Variants in ROS1 observed in about 807,000 individuals in gnomAD.
ROS1 encodes proto-oncogene tyrosine-protein kinase ROS.
A neutral mutation model predicts 273.5 loss-of-function variants in ROS1; 263 were observed. The observed-to-expected ratio is 0.96, with a 90% CI of 0.87 to 1.06. The LOEUF is 1.06. Ranked by LOEUF, ROS1 falls within the 50% of genes least tolerant of loss-of-function variation. The pLI, the probability that ROS1 is intolerant of heterozygous loss-of-function variation, is 0.00. For synonymous variants in ROS1, 1,008 were observed against 954.1 expected, an observed-to-expected ratio of 1.06 and a Z score of -1.04; for missense variants, 2,833 against 2,751.1, an observed-to-expected ratio of 1.03 and a Z score of -0.67.
chr6:117,418,659 T>C (rs1775524455), intron 1 of ROS1, among the ~76,000 whole-genome samples, 153 bp from the exon 2 acceptor site: 2 of 152,304 alleles, frequency 1.3e-5, no homozygotes, highest in Non-Finnish European at 2.9e-5. Context: ...GGCATTAAAT[T>C]CATCACTACC....
chr6:117,289,322 T>G (rs1773658846), intron 43 of ROS1, among the ~76,000 whole-genome samples: 1 of 152,234 alleles, frequency 6.6e-6, no homozygotes, highest in Admixed American at 6.5e-5. Context: ...TCCAAGCCTG[T>G]GTTCTAGTTA....
rs894014003 is a variant in ROS1 at position 117,389,661 on chromosome 6, T to C, written c.1475A>G (p.Asp492Gly). Residue 492 changes from aspartate (D) to glycine (G), a missense_variant, in exon 13 of 44, where the codon GAT becomes GGT. Coordinates refer to ENST00000368507, the MANE Select transcript of ROS1 (RefSeq NM_001378902.1). The part of the protein sequence containing the change: ...TAQVFMSTFL[D>G]GSASHLILPR... ...TAGGATGAGATGGGAAGCAGAGCCA[T>C]CCAGAAATGTTGACATGAAGACTTG... 7 of 1,614,166 alleles carry C rather than the reference T, an allele frequency of 4.3e-6. No homozygotes were observed. The East Asian group carries it at 1.1e-4, about 26-fold the overall frequency.
At chr6:117,297,950 G>C (rs1774382341) in intron 43 of ROS1, among the ~76,000 whole-genome samples, 1 of 152,094 alleles carries the variant, frequency 6.6e-6, no homozygotes, top group South Asian at 2.1e-4. Context: ...ACTCATAATA[G>C]CAAAGGTATG....
intron 27 of ROS1, among the ~76,000 whole-genome samples, chr6:117,349,429 C>T (rs1778629212): frequency 6.6e-6 from 1 of 151,880 alleles, no homozygotes; most frequent in African/African-American, 2.4e-5. Context: ...ATCTCCATCC[C>T]TTTACTTTTG....
At position 117,425,687 on chromosome 6, in the gene ROS1, C is replaced by T. The variant is rs376700858; in HGVS notation, c.-31G>A. 28 of 1,606,812 alleles carry T rather than the reference C, an allele frequency of 1.7e-5. No individual in the cohort carries two copies. The African/African-American group carries it at 2.8e-4, about 16-fold the overall frequency. The stretch of plus-strand genomic sequence containing the variant: ...CACCAATGGCAGATTTTTAGATGGC[C>T]GGTCTAATTTTCTCCATTTTGCTAT... On this transcript the variant is annotated 5_prime_UTR_variant, in exon 1 of 44. Transcript: ENST00000368507.
chr6:117,384,758 G>A (rs1271052964), intron 16 of ROS1, among the ~76,000 whole-genome samples: 1 of 152,116 alleles, frequency 6.6e-6, no homozygotes, highest in Non-Finnish European at 1.5e-5. Flanking sequence ...GACTTTATCT[G>A]CTAGGCTGAA....
chr6:117,405,179 T>C (rs773213479), intron 5 of ROS1, among the ~76,000 whole-genome samples: 23 of 152,196 alleles, frequency 1.5e-4, no homozygotes, highest in Non-Finnish European at 3.1e-4. Flanking sequence ...GTAAATTTGG[T>C]AGGGAGCTTA....
At position 117,397,035 on chromosome 6, in the gene ROS1, A is replaced by G. The variant is rs2128716742; in HGVS notation, c.686T>C (p.Phe229Ser). 2 of 1,612,950 alleles carry G rather than the reference A, an allele frequency of 1.2e-6. No homozygotes were observed. Among genetic ancestry groups the G allele is most frequent in the South Asian group, 1.1e-5 (1 of 91,062 alleles). ...ATAACCCAAAATAGGTCCACCTGGGAATTGAGGTGGATCCCAGCTGACTTC... is the reference window on the plus strand; with the variant it reads ...ATAACCCAAAATAGGTCCACCTGGGGATTGAGGTGGATCCCAGCTGACTTC... ...TVEVSWDPPQFPGGPILGYNL... is the reference protein window; with the variant it reads ...TVEVSWDPPQSPGGPILGYNL... Residue 229 changes from phenylalanine (F) to serine (S), a missense_variant, in exon 8 of 44, where the codon TTC (phenylalanine) becomes TCC (serine). Physicochemically the swap from Phe to Ser is radical, Grantham distance 155. Transcript: ENST00000368507.
rs1377638781 is a variant in ROS1, at chr6:117,288,452, A to T, written c.*40T>A. The T allele has an allele frequency of 2.7e-6, 4 of 1,506,558 alleles. No individual in the cohort carries two copies. The highest frequency in any genetic ancestry group is 3.6e-6 in the Non-Finnish European group (4 of 1,105,256). The allele number at this position is 1,506,558 out of a possible 1,614,324, so 93.3% of individuals were successfully genotyped here. A position where few individuals can be genotyped will look rare whatever the true frequency, so the allele number is the denominator to read the frequency against. ...GTTTTCTTTCAGTAACTACTGAATG[A>T]GAGTGTTTATCTCAACTCTCTATTT... is the stretch of plus-strand genomic sequence containing the variant. On this transcript the variant is annotated 3_prime_UTR_variant, in exon 44 of 44. Transcript: ENST00000368507.
Position 117,329,317 on chromosome 6 carries a change from A to C in ROS1, c.5348+12T>G. The C allele has an allele frequency of 8.2e-7, 1 of 1,218,576 alleles. No individual in the cohort carries two copies. The highest frequency in any genetic ancestry group is 1.2e-6 in the Non-Finnish European group (1 of 838,606). The allele number at this position is 1,218,576 out of a possible 1,614,324, so 75.5% of individuals were successfully genotyped here. Reference sequence around the variant, plus strand: ...TCTTTGTCATTTACAAGTACTTTGCAAACACACATACCTTATCTCAAGGAT... The same window carrying C: ...TCTTTGTCATTTACAAGTACTTTGCCAACACACATACCTTATCTCAAGGAT... On this transcript the variant is annotated intron_variant, in intron 33 of 43. Coordinates refer to ENST00000368507, the MANE Select transcript of ROS1 (RefSeq NM_001378902.1).
At position 117,388,317 on chromosome 6, in the gene ROS1, A is replaced by C. The variant is rs183598510; in HGVS notation, c.1787-325T>G. On this transcript the variant is annotated intron_variant, in intron 13 of 43. Transcript: ENST00000368507. ...ATAGATATAATCAGGCTCTTAATAA[A>C]AAATGCTTAATGATGAACCTTTAAT... is the stretch of plus-strand genomic sequence containing the variant. Among the ~76,000 whole-genome samples the C allele has an allele frequency of 5.9e-5, 9 of 152,326 alleles. No homozygotes were observed. In the East Asian group the frequency reaches 1.7e-3, roughly 29 times the overall value.
At chr6:117,392,187 C>T (rs1773122561) in intron 12 of ROS1, among the ~76,000 whole-genome samples, 1 of 152,146 alleles carries the variant, frequency 6.6e-6, no homozygotes, top group South Asian at 2.1e-4. Flanking sequence ...CATCACAAAG[C>T]ATTAAATATT....
rs17079129 is a variant in ROS1, at chr6:117,399,571, C to T, written c.605-2455G>A. ...GCCTGAGGCTCTCTGCACATAGGCA[C>T]ATCTCCAGAGCTGAGGGTTAGGGCA... On this transcript the variant is annotated intron_variant, in intron 7 of 43. Transcript: ENST00000368507. Among the ~76,000 whole-genome samples the T allele has an allele frequency of 3.5e-3, 534 of 152,298 alleles. 8 individuals are homozygous for T. Among genetic ancestry groups the T allele is most frequent in the African/African-American group, 0.013 (520 of 41,552 alleles).
At chr6:117,380,236 G>C (rs1013285542) in intron 17 of ROS1, among the ~76,000 whole-genome samples, 6 of 152,034 alleles carry the variant, frequency 3.9e-5, no homozygotes, top group African/African-American at 1.4e-4. Flanking sequence ...AAACAAATAT[G>C]ATGAGCCAGT....
Position 117,288,391 on chromosome 6 carries a change from G to A in ROS1, c.*101C>T. 1.8e-6 allele frequency: 2 copies of A among 1,085,974 alleles called. No homozygotes were observed. Among genetic ancestry groups the A allele is most frequent in the South Asian group, 3.1e-5 (2 of 63,948 alleles). 67.3% of individuals were successfully genotyped at this position (1,085,974 alleles called of 1,614,324 possible). ...AGGAACGTTGCATTGTTTATTTGGA[G>A]TTATAGACCACCATGACATTTATCA... On this transcript the variant is annotated 3_prime_UTR_variant, in exon 44 of 44. Coordinates refer to ENST00000368507, the MANE Select transcript of ROS1 (RefSeq NM_001378902.1).
intron 40 of ROS1, 75 bp from the exon 41 acceptor site, chr6:117,310,356 G>A: frequency 9.3e-7 from 1 of 1,073,396 alleles, no homozygotes; most frequent in Non-Finnish European, 1.3e-6. Flanking sequence ...AGTAGCCCTA[G>A]TAGGTCTGTA....
chr6:117,369,937 A>C (rs1780623639), intron 18 of ROS1, among the ~76,000 whole-genome samples: 1 of 152,216 alleles, frequency 6.6e-6, no homozygotes, highest in African/African-American at 2.4e-5. Context: ...ACATCCATAT[A>C]TATGTATATG....
chr6:117,306,749 T>C (rs1284321075), intron 42 of ROS1, among the ~76,000 whole-genome samples: 1 of 152,178 alleles, frequency 6.6e-6, no homozygotes, highest in Non-Finnish European at 1.5e-5. Flanking sequence ...GTTCCCTCTG[T>C]ACTCTAAGGA....
At chr6:117,329,861 G>A (rs7751910) in intron 32 of ROS1, among the ~76,000 whole-genome samples, 6,570 of 152,168 alleles carry the variant, frequency 0.043, 233 homozygotes, top group African/African-American at 0.1. Context: ...TCCCACTCTC[G>A]ATCCCATGCC....
Sources: gnomAD v4.1 joint callset for allele counts (sites outside exome capture counted in the v4.1 genomes callset) on GRCh38, gnomAD v4.1.1 for gene constraint, MANE v1.5 for transcripts, NCBI Gene and HGNC (gene_info 2026-07-23, HGNC 2026-07-21) for gene names.